Variants in TANGO2 observed in about 807,000 individuals in gnomAD.
The protein encoded by TANGO2 is transport and Golgi organization protein 2 homolog.
In TANGO2, 26 loss-of-function variants were observed where a neutral mutation model predicts 39.1. The ratio of observed to expected loss-of-function variants is 0.67; its 90% CI spans 0.49 to 0.92. The LOEUF is 0.92. Among genes scored for constraint, TANGO2 ranks in the 40% least tolerant of loss-of-function variants. The probability of loss-of-function intolerance (pLI) is 0.00; values close to 1 mark genes in which losing one functional copy is unlikely to be tolerated. For synonymous variants in TANGO2, 131 were observed against 144.5 expected, an observed-to-expected ratio of 0.91 and a Z score of 0.67; for missense variants, 326 against 360.1, an observed-to-expected ratio of 0.91 and a Z score of 0.77.
rs572822574 is a variant in TANGO2 at position 20,028,348 on chromosome 22, C to A, written c.-40+7102C>A. On this transcript the variant is annotated intron_variant, in intron 1 of 8. Coordinates refer to ENST00000327374, the MANE Select transcript of TANGO2 (RefSeq NM_152906.7). Reference sequence around the variant, plus strand: ...CAGGCTGGACTTAAACTCCTGGCCTCAAACAATCCTCCTGCTTTAGCCTCC... The same window carrying A: ...CAGGCTGGACTTAAACTCCTGGCCTAAAACAATCCTCCTGCTTTAGCCTCC... 9.8e-5 allele frequency among the ~76,000 whole-genome samples: 15 copies of A among 152,366 alleles called. 1 individual carries two copies. In the South Asian group the frequency reaches 3.1e-3, roughly 32 times the overall value.
chr22:20,063,101 A>G, intron 7 of TANGO2: 1 of 449,244 alleles, frequency 2.2e-6, no homozygotes, highest in Non-Finnish European at 4.0e-6. Flanking sequence ...AGTTGCAGTG[A>G]GCCAAGATCG....
At chr22:20,022,476 C>T (rs2039904377) in intron 1 of TANGO2, among the ~76,000 whole-genome samples, 1 of 152,214 alleles carries the variant, frequency 6.6e-6, no homozygotes, top group Non-Finnish European at 1.5e-5. Flanking sequence ...ACTTGCATGT[C>T]CTCAGACTGC....
intron 2 of TANGO2, among the ~76,000 whole-genome samples, chr22:20,042,957 G>T (rs1399213284): frequency 6.6e-6 from 1 of 152,090 alleles, no homozygotes; most frequent in East Asian, 1.9e-4. Context: ...GCTTCCAAGA[G>T]CCCACGGGTT....
chr22:20,017,226 G>C (rs1309150138), upstream of TANGO2: 1 of 152,280 alleles, frequency 6.6e-6, no homozygotes, highest in Non-Finnish European at 1.5e-5. Flanking sequence ...CTCGCTGCGC[G>C]CTGCGCGCCG....
intron 4 of TANGO2, among the ~76,000 whole-genome samples, chr22:20,053,077 G>C (rs1330603053): frequency 1.3e-5 from 2 of 152,160 alleles, no homozygotes; most frequent in Non-Finnish European, 1.5e-5. Flanking sequence ...TGGCACTCCT[G>C]ACTGCTGTGT....
intron 1 of TANGO2, among the ~76,000 whole-genome samples, chr22:20,033,658 C>T (rs148560452): frequency 1.1e-3 from 171 of 152,330 alleles, no homozygotes; most frequent in African/African-American, 3.9e-3. Context: ...GTGACTGCAG[C>T]CAGGGGTTCT....
chr22:20,044,810 G>A (rs897833112), intron 3 of TANGO2, among the ~76,000 whole-genome samples: 3 of 152,154 alleles, frequency 2.0e-5, no homozygotes, highest in African/African-American at 4.8e-5. Flanking sequence ...AAGATGTGGC[G>A]GCTCAGAGGG....
At chr22:20,039,054 C>T (rs1277189908) in intron 2 of TANGO2, among the ~76,000 whole-genome samples, 1 of 151,728 alleles carries the variant, frequency 6.6e-6, no homozygotes, top group African/African-American at 2.4e-5. Flanking sequence ...GATCCTCCCA[C>T]TTCAGCATGC....
intron 1 of TANGO2, among the ~76,000 whole-genome samples, chr22:20,032,336 C>T (rs528988643): frequency 6.6e-6 from 1 of 152,264 alleles, no homozygotes; most frequent in Non-Finnish European, 1.5e-5. Context: ...TGCAGGCTGC[C>T]CTGGTGGTCT....
chr22:20,056,583 C>T (rs1437095669), intron 6 of TANGO2: 1 of 456,810 alleles, frequency 2.2e-6, no homozygotes, highest in South Asian at 1.5e-5. Context: ...ACATGCCCTT[C>T]CTTTCCCCCT....
At chr22:20,050,908 A>C (rs1398516029) in intron 3 of TANGO2, among the ~76,000 whole-genome samples, 2 of 141,908 alleles carry the variant, frequency 1.4e-5, no homozygotes, top group Non-Finnish European at 3.1e-5. Flanking sequence ...GCTCACTGCA[A>C]CCTCCACCTC....
intron 1 of TANGO2, among the ~76,000 whole-genome samples, chr22:20,034,816 G>A (rs750344030): frequency 1.3e-5 from 2 of 152,174 alleles, no homozygotes; most frequent in African/African-American, 2.4e-5. Flanking sequence ...GTGGGCAAAC[G>A]CTCTCAGGCA....
At chr22:20,059,582 G>T (rs753087239) in intron 6 of TANGO2, among the ~76,000 whole-genome samples, 4 of 152,166 alleles carry the variant, frequency 2.6e-5, no homozygotes, top group Non-Finnish European at 4.4e-5. Context: ...CACGATAGTG[G>T]GTGTGAAGTT....
At chr22:20,034,944 G>A (rs185120910) in intron 1 of TANGO2, among the ~76,000 whole-genome samples, 7 of 152,358 alleles carry the variant, frequency 4.6e-5, no homozygotes, top group Non-Finnish European at 1.0e-4. Flanking sequence ...ATTTCATCCA[G>A]CATCTTGAGT....
At chr22:20,062,249 C>T (rs958900177) in intron 7 of TANGO2, among the ~76,000 whole-genome samples, 1 of 152,182 alleles carries the variant, frequency 6.6e-6, no homozygotes, top group Non-Finnish European at 1.5e-5. Context: ...CTGGGGTCTT[C>T]GTTGCCCCAG....
intron 1 of TANGO2, among the ~76,000 whole-genome samples, chr22:20,021,993 C>T (rs375438325): frequency 2.0e-5 from 3 of 152,252 alleles, no homozygotes; most frequent in Non-Finnish European, 1.5e-5. Flanking sequence ...TTTGCACTGT[C>T]GTGTGGCTCT....
At chr22:20,034,074 G>A (rs550504498) in intron 1 of TANGO2, among the ~76,000 whole-genome samples, 2 of 152,144 alleles carry the variant, frequency 1.3e-5, no homozygotes, top group African/African-American at 2.4e-5. Context: ...GCGTGGTGGC[G>A]CATGCCTGTA....
At chr22:20,054,088 G>A in intron 5 of TANGO2, 1 of 280,824 alleles carries the variant, frequency 3.6e-6, no homozygotes, top group Admixed American at 5.0e-5. Flanking sequence ...GAAGTGGTCG[G>A]CACATTGTGG....
At chr22:20,044,744 G>A (rs937160074) in intron 3 of TANGO2, among the ~76,000 whole-genome samples, 4 of 152,166 alleles carry the variant, frequency 2.6e-5, no homozygotes, top group East Asian at 1.9e-4. Flanking sequence ...TGGTCAGGAC[G>A]GGTGGGTGAA....
Sources: gnomAD v4.1 joint callset for allele counts (sites outside exome capture counted in the v4.1 genomes callset) on GRCh38, gnomAD v4.1.1 for gene constraint, MANE v1.5 for transcripts, NCBI Gene and HGNC (gene_info 2026-07-23, HGNC 2026-07-21) for gene names.